The following TRIM56 variants were observed in gnomAD, a reference collection of about 807,000 sequenced individuals.
TRIM56 encodes E3 ubiquitin-protein ligase TRIM56.
Under a neutral mutation model 17.1 loss-of-function variants are expected in TRIM56, and 10 were observed. That is an observed-to-expected ratio of 0.58 (90% CI 0.36 to 0.99). The LOEUF (loss-of-function observed/expected upper bound fraction) is 0.99. TRIM56 is among the 50% of genes least tolerant of loss of function. TRIM56 has a pLI of 0.01. For synonymous variants in TRIM56, 503 were observed against 473.5 expected, an observed-to-expected ratio of 1.06 and a Z score of -0.81; for missense variants, 923 against 1,052.3, an observed-to-expected ratio of 0.88 and a Z score of 1.70.
Position 101,092,738 on chromosome 7 carries a change from C to T in TRIM56, c.*3158C>T, listed in dbSNP as rs13237868. ...GAGGTGGGGGGCGCCTCCGCCCGGCCGCTGTCCCGTCCGGGAGGTGGGGGG... is the reference window on the plus strand; with the variant it reads ...GAGGTGGGGGGCGCCTCCGCCCGGCTGCTGTCCCGTCCGGGAGGTGGGGGG... On this transcript the variant is annotated 3_prime_UTR_variant, in exon 3 of 3. Transcript: ENST00000306085. 1.1e-4 allele frequency: 17 copies of T among 150,892 alleles called. No homozygotes were observed. Among genetic ancestry groups the T allele is most frequent in the African/African-American group, 4.0e-4 (16 of 39,866 alleles). 9.3% of individuals were successfully genotyped at this position (150,892 alleles called of 1,614,324 possible). A position where few individuals can be genotyped will look rare whatever the true frequency, so the allele number is the denominator to read the frequency against.
chr7:101,089,880 TAGGTTTCTG>T lies in TRIM56; in HGVS notation c.*307_*315del, dbSNP rs1478598286. On this transcript the variant is annotated 3_prime_UTR_variant, in exon 3 of 3. Coordinates refer to ENST00000306085, the MANE Select transcript of TRIM56 (RefSeq NM_030961.3). ...CCACCACCGCCGCTGCTATATAGTT[TAGGTTTCTG>T]AGGTTTGTGAGCCTGTCCTGCTTTG... 1 of 339,870 alleles carries T rather than the reference TAGGTTTCTG, an allele frequency of 2.9e-6. No homozygotes were observed. Among genetic ancestry groups the T allele is most frequent in the Non-Finnish European group, 5.7e-6 (1 of 174,474 alleles). 21.1% of individuals were successfully genotyped at this position (339,870 alleles called of 1,614,324 possible).
rs1347105814 is a variant in TRIM56, at chr7:101,093,753, C to T, written c.*4173C>T. 1 of 152,202 alleles carries T rather than the reference C, an allele frequency of 6.6e-6. No homozygotes were observed. The highest frequency in any genetic ancestry group is 1.5e-5 in the Non-Finnish European group (1 of 68,056). 9.4% of individuals were successfully genotyped at this position (152,202 alleles called of 1,614,324 possible). A position where few individuals can be genotyped will look rare whatever the true frequency, so the allele number is the denominator to read the frequency against. ...TCTGAGGCAGGAGACTCGCTTGAAC[C>T]TGGGAGGCAGAGGGTGCAGCGAGCC... On this transcript the variant is annotated 3_prime_UTR_variant, in exon 3 of 3. Transcript: ENST00000306085.
Position 101,096,909 on chromosome 7 carries a change from T to C in TRIM56, c.*7329T>C, listed in dbSNP as rs1198909513. 6.6e-6 allele frequency: 1 copy of C among 152,042 alleles called. No individual in the cohort carries two copies. Among genetic ancestry groups the C allele is most frequent in the Non-Finnish European group, 1.5e-5 (1 of 68,046 alleles). 9.4% of individuals were successfully genotyped at this position (152,042 alleles called of 1,614,324 possible). ...AGCTTGCTGAAATGTAATGCCATTC[T>C]TAAAAGCCAGCTAAGAATCAGACCG... On this transcript the variant is annotated 3_prime_UTR_variant, in exon 3 of 3. Transcript: ENST00000306085.
At position 101,088,022 on chromosome 7, in the gene TRIM56, A is replaced by G. The variant is rs2116529091; in HGVS notation, c.710A>G (p.Glu237Gly). The G allele has an allele frequency of 6.4e-7, 1 of 1,564,828 alleles. No homozygotes were observed. Residue 237 changes from glutamate to glycine, a missense_variant, in exon 3 of 3, where the codon GAG (glutamate) becomes GGG (glycine). This residue lies in a region of TRIM56 where 643 missense variants were observed against 665.6 expected (regional missense o/e 0.97). Transcript: ENST00000306085. Reference protein sequence around the residue: ...LVELEAARRVEKEALARLREQ... With the variant: ...LVELEAARRVGKEALARLREQ... ...GAGCTGGAGGCAGCGCGGAGGGTGG[A>G]GAAGGAGGCGCTAGCCCGGCTGCGG...
rs201906197 is a variant in TRIM56, at chr7:101,089,219, C to T, written c.1907C>T (p.Ala636Val). The T allele has an allele frequency of 1.2e-6, 2 of 1,613,628 alleles. No homozygotes were observed. Among genetic ancestry groups the T allele is most frequent in the South Asian group, 1.1e-5 (1 of 91,050 alleles). ...PGGKASRGLR[A>V]LVFLTTSPQG... ...GGCAAGGCCAGCCGGGGCCTGCGGG[C>T]GCTGGTGTTTCTGACCACCAGCCCC... The change falls in exon 3 of 3, where the codon GCG becomes GTG. Residue 636 changes from alanine to valine, a missense_variant. By Grantham distance (64) the Ala-to-Val change is moderately conservative (BLOSUM62 0). Around this residue, in one of 3 missense-constraint regions of TRIM56, gnomAD observed 182 missense variants for 243.1 expected, o/e 0.75. Transcript: ENST00000306085.
At position 101,087,776 on chromosome 7, in the gene TRIM56, G is replaced by T; in HGVS notation, c.464G>T (p.Gly155Val). The T allele has an allele frequency of 6.2e-7, 1 of 1,607,042 alleles. No homozygotes were observed. The highest frequency in any genetic ancestry group is 8.5e-7 in the Non-Finnish European group (1 of 1,178,352). The change falls in exon 3 of 3, where the codon GGG (glycine) becomes GTG (valine). Residue 155 changes from glycine to valine, a missense_variant. By Grantham distance (109) the Gly-to-Val change is moderately radical. Around this residue, in one of 3 missense-constraint regions of TRIM56, gnomAD observed 643 missense variants for 665.6 expected, o/e 0.97. Transcript: ENST00000306085. ...GTGGACCTGGTGGGCTACAGGGCCGGGTGGTATGATGAGGAGGCCCGGGAG... is the reference window on the plus strand; with the variant it reads ...GTGGACCTGGTGGGCTACAGGGCCGTGTGGTATGATGAGGAGGCCCGGGAG... ...RVVDLVGYRA[G>V]WYDEEARERQ...
At position 101,089,332 on chromosome 7, in the gene TRIM56, C is replaced by T. The variant is rs760894351; in HGVS notation, c.2020C>T (p.Pro674Ser). Residue 674 changes from proline (P) to serine (S), a missense_variant, in exon 3 of 3, where the codon CCA (proline) becomes TCA (serine). By Grantham distance (74) the Pro-to-Ser change is moderately conservative (BLOSUM62 -1). Transcript: ENST00000306085. ...CCAGGTGGTTGGGGAGTACAAGGGG[C>T]CAGGCCTGCATGGCTGCCAGCCGGG... ...LGQVVGEYKG[P>S]GLHGCQPGSV... 9.3e-6 allele frequency: 15 copies of T among 1,605,956 alleles called. No homozygotes were observed. Among genetic ancestry groups the T allele is most frequent in the Admixed American group, 1.7e-5 (1 of 59,616 alleles).
chr7:101,086,007 C>T (rs1367215522), intron 1 of TRIM56, among the ~76,000 whole-genome samples: 1 of 152,184 alleles, frequency 6.6e-6, no homozygotes, highest in Admixed American at 6.5e-5. Flanking sequence ...AGCCCTTCCC[C>T]TAGCGTTTTT....
In TRIM56 at chr7:101,097,225, C is replaced by T. The variant is rs532041768; in HGVS notation, c.*7645C>T. Reference sequence around the variant, plus strand: ...AACAGGCGAGTGCCAAGATCAAGGTCTCTGATTGTCTCTCCTTGAAAGGTA... The same window carrying T: ...AACAGGCGAGTGCCAAGATCAAGGTTTCTGATTGTCTCTCCTTGAAAGGTA... On this transcript the variant is annotated 3_prime_UTR_variant, in exon 3 of 3. Coordinates refer to ENST00000306085, the MANE Select transcript of TRIM56 (RefSeq NM_030961.3). The T allele has an allele frequency of 6.6e-6, 1 of 152,180 alleles. No individual in the cohort carries two copies. Among genetic ancestry groups the T allele is most frequent in the Admixed American group, 6.6e-5 (1 of 15,266 alleles). The allele number at this position is 152,180 out of a possible 1,614,324, so 9.4% of individuals were successfully genotyped here. A position where few individuals can be genotyped will look rare whatever the true frequency, so the allele number is the denominator to read the frequency against.
rs968453257 is a variant in TRIM56 at position 101,092,732 on chromosome 7, C to A, written c.*3152C>A. ...GGGAGCGAGGTGGGGGGCGCCTCCG[C>A]CCGGCCGCTGTCCCGTCCGGGAGGT... On this transcript the variant is annotated 3_prime_UTR_variant, in exon 3 of 3. Coordinates refer to ENST00000306085, the MANE Select transcript of TRIM56 (RefSeq NM_030961.3). The A allele has an allele frequency of 1.3e-5, 2 of 149,426 alleles. No homozygotes were observed. Among genetic ancestry groups the A allele is most frequent in the African/African-American group, 2.5e-5 (1 of 39,412 alleles). 9.3% of individuals were successfully genotyped at this position (149,426 alleles called of 1,614,324 possible). A position where few individuals can be genotyped will look rare whatever the true frequency, so the allele number is the denominator to read the frequency against.
rs201969081 is a variant in TRIM56, at chr7:101,087,331, T to C, written c.19T>C (p.Ser7Pro). 6.2e-7 allele frequency: 1 copy of C among 1,612,560 alleles called. No individual in the cohort carries two copies. Among genetic ancestry groups the C allele is most frequent in the Non-Finnish European group, 8.5e-7 (1 of 1,179,640 alleles). MVSHGS[S>P]PSLLEALSSD... ...CTGCAGCATGGTTTCCCACGGGTCCTCGCCCTCCCTCCTGGAGGCCCTGAG... is the reference window on the plus strand; with the variant it reads ...CTGCAGCATGGTTTCCCACGGGTCCCCGCCCTCCCTCCTGGAGGCCCTGAG... Residue 7 changes from serine to proline, a missense_variant, in exon 3 of 3, where the codon TCG (serine) becomes CCG (proline). Coordinates refer to ENST00000306085, the MANE Select transcript of TRIM56 (RefSeq NM_030961.3).
Position 101,087,750 on chromosome 7 carries a change from G to A in TRIM56, c.438G>A (p.Val146=), listed in dbSNP as rs763100902. The change falls in exon 3 of 3, where the codon GTG becomes GTA. Residue 146 remains valine, a synonymous_variant. Coordinates refer to ENST00000306085, the MANE Select transcript of TRIM56 (RefSeq NM_030961.3). ...RCTRQTHTHR[V]VDLVGYRAGW... is the part of the protein sequence containing the mutation. ...CCCGCCAGACCCACACCCACCGCGT[G>A]GTGGACCTGGTGGGCTACAGGGCCG... 1.2e-6 allele frequency: 2 copies of A among 1,604,954 alleles called. No individual in the cohort carries two copies. Among genetic ancestry groups the A allele is most frequent in the South Asian group, 2.2e-5 (2 of 90,518 alleles).
At position 101,097,324 on chromosome 7, in the gene TRIM56, A is replaced by T. The variant is rs1468247907; in HGVS notation, c.*7744A>T. The T allele has an allele frequency of 6.6e-6, 1 of 152,158 alleles. No homozygotes were observed. The highest frequency in any genetic ancestry group is 1.5e-5 in the Non-Finnish European group (1 of 68,044). 9.4% of individuals were successfully genotyped at this position (152,158 alleles called of 1,614,324 possible). On this transcript the variant is annotated 3_prime_UTR_variant, in exon 3 of 3. Coordinates refer to ENST00000306085, the MANE Select transcript of TRIM56 (RefSeq NM_030961.3). ...GGTGCGGACTTCTGTATTGGGGAGA[A>T]GGTCTTGGATGAACTGGGGCAGAGA...
In TRIM56 at chr7:101,092,504, C is replaced by T. The variant is rs1330345716; in HGVS notation, c.*2924C>T. 2 of 165,990 alleles carry T rather than the reference C, an allele frequency of 1.2e-5. No homozygotes were observed. The highest frequency in any genetic ancestry group is 1.3e-4 in the Admixed American group (2 of 15,498). 10.3% of individuals were successfully genotyped at this position (165,990 alleles called of 1,614,324 possible). ...CCCGTCTGAGAAGTGAGGAGCCCCTCCGCCTGGCAGCCGCCCCGTCTGAGA... is the reference window on the plus strand; with the variant it reads ...CCCGTCTGAGAAGTGAGGAGCCCCTTCGCCTGGCAGCCGCCCCGTCTGAGA... On this transcript the variant is annotated 3_prime_UTR_variant, in exon 3 of 3. Coordinates refer to ENST00000306085, the MANE Select transcript of TRIM56 (RefSeq NM_030961.3).
In TRIM56 at chr7:101,087,772, G is replaced by A. The variant is rs1170844659; in HGVS notation, c.460G>A (p.Ala154Thr). The change falls in exon 3 of 3, where the codon GCC (alanine) becomes ACC (threonine). Residue 154 changes from alanine (A) to threonine (T), a missense_variant. By Grantham distance (58) the Ala-to-Thr change is moderately conservative. Transcript: ENST00000306085. The part of the protein sequence containing the change: ...HRVVDLVGYR[A>T]GWYDEEARER... ...CGTGGTGGACCTGGTGGGCTACAGG[G>A]CCGGGTGGTATGATGAGGAGGCCCG... 1 of 1,606,798 alleles carries A rather than the reference G, an allele frequency of 6.2e-7. No individual in the cohort carries two copies. Among genetic ancestry groups the A allele is most frequent in the Admixed American group, 1.7e-5 (1 of 59,708 alleles).
rs1467864332 is a variant in TRIM56 at position 101,093,978 on chromosome 7, C to CA, written c.*4403dup. On this transcript the variant is annotated 3_prime_UTR_variant, in exon 3 of 3. Transcript: ENST00000306085. ...ATTTGGCTAGACTTTGCAAGAATGACAAAAATGATTATAAGAATCAGTTGT... is the reference window on the plus strand; with the variant it reads ...ATTTGGCTAGACTTTGCAAGAATGACAAAAAATGATTATAAGAATCAGTTGT... 7.9e-5 allele frequency: 12 copies of CA among 152,110 alleles called. No homozygotes were observed. Among genetic ancestry groups the CA allele is most frequent in the African/African-American group, 2.9e-4 (12 of 41,416 alleles). 9.4% of individuals were successfully genotyped at this position (152,110 alleles called of 1,614,324 possible). A position where few individuals can be genotyped will look rare whatever the true frequency, so the allele number is the denominator to read the frequency against.
intron 1 of TRIM56, among the ~76,000 whole-genome samples, chr7:101,085,835 T>G (rs1212405757): frequency 6.6e-6 from 1 of 152,182 alleles, no homozygotes; most frequent in East Asian, 1.9e-4. Context: ...CCACCTAGTC[T>G]GCCCAACAAG....
chr7:101,087,813 C>A lies in TRIM56; in HGVS notation c.501C>A (p.Ala167=). Residue 167 remains alanine, a synonymous_variant, in exon 3 of 3, where the codon GCC becomes GCA. Coordinates refer to ENST00000306085, the MANE Select transcript of TRIM56 (RefSeq NM_030961.3). The part of the protein sequence containing the change: ...YDEEARERQA[A]QCPQHPGEAL... ...AGGAGGCCCGGGAGCGCCAAGCGGC[C>A]CAGTGTCCCCAGCACCCCGGGGAGG... is the stretch of plus-strand genomic sequence containing the variant. The A allele has an allele frequency of 6.2e-7, 1 of 1,605,314 alleles. No homozygotes were observed. The highest frequency in any genetic ancestry group is 1.1e-5 in the South Asian group (1 of 90,512).
In TRIM56 at chr7:101,094,219, C is replaced by T. The variant is rs1025266646; in HGVS notation, c.*4639C>T. On this transcript the variant is annotated 3_prime_UTR_variant, in exon 3 of 3. Coordinates refer to ENST00000306085, the MANE Select transcript of TRIM56 (RefSeq NM_030961.3). ...AGAAGAAATAGTTACGTGATACAGT[C>T]ATAATCCTCAAAAACGGAGAATCAG... 2 of 152,090 alleles carry T rather than the reference C, an allele frequency of 1.3e-5. No homozygotes were observed. Among genetic ancestry groups the T allele is most frequent in the Admixed American group, 6.6e-5 (1 of 15,256 alleles). The allele number at this position is 152,090 out of a possible 1,614,324, so 9.4% of individuals were successfully genotyped here.
Sources: gnomAD v4.1 joint callset for allele counts (sites outside exome capture counted in the v4.1 genomes callset) on GRCh38, gnomAD v4.1.1 for gene constraint, gnomAD v4.1.1 regional missense constraint, MANE v1.5 for transcripts, NCBI Gene and HGNC (gene_info 2026-07-23, HGNC 2026-07-21) for gene names.